Variants in ZNF69 observed in about 807,000 individuals in gnomAD.
ZNF69 encodes ZNF3.
In ZNF69, 47 loss-of-function variants were observed where a neutral mutation model predicts 50.9. The ratio of observed to expected loss-of-function variants is 0.92; its 90% CI spans 0.73 to 1.18. The LOEUF (loss-of-function observed/expected upper bound fraction) is 1.18. Among genes scored for constraint, ZNF69 ranks in the 50% most tolerant of loss-of-function variants. The probability of loss-of-function intolerance (pLI) is 0.00; values close to 1 mark genes in which losing one functional copy is unlikely to be tolerated. For synonymous variants in ZNF69, 216 were observed against 223.1 expected (o/e 0.97, Z 0.29); for missense variants, 717 against 675.1 (o/e 1.06, Z -0.69).
Position 11,903,893 on chromosome 19 carries a change from T to A in ZNF69, c.191-12T>A, listed in dbSNP as rs756534833. On this transcript the variant is annotated splice_polypyrimidine_tract_variant and intron_variant, in intron 2 of 3. Coordinates refer to ENST00000429654, the MANE Select transcript of ZNF69 (RefSeq NM_001364730.1). ...ACTGCCTCAGGACTATTTTTCTGTGTCTATATTTTAGGAAAAAGTTGGAAA... is the reference window on the plus strand; with the variant it reads ...ACTGCCTCAGGACTATTTTTCTGTGACTATATTTTAGGAAAAAGTTGGAAA... 1.2e-6 allele frequency: 2 copies of A among 1,613,158 alleles called. No homozygotes were observed. The highest frequency in any genetic ancestry group is 1.3e-5 in the African/African-American group (1 of 74,988).
the ZNF69 span, among the ~76,000 whole-genome samples, chr19:11,920,653 TG>T: frequency 6.4e-4 from 2 of 3,148 alleles, no homozygotes; most frequent in East Asian, 0.019. Context: ...TTTGGGAGGC[TG>T]AGGGGGGTGC....
intron 1 of ZNF69, among the ~76,000 whole-genome samples, chr19:11,894,135 T>G (rs976140670): frequency 6.6e-5 from 10 of 152,156 alleles, no homozygotes; most frequent in African/African-American, 2.4e-4. Context: ...GTGTGAAAAT[T>G]TGTATGCATC....
At chr19:11,932,077 C>T in the ZNF69 span, among the ~76,000 whole-genome samples, 1 of 146,826 alleles carries the variant, frequency 6.8e-6, no homozygotes, top group East Asian at 1.9e-4. Flanking sequence ...ATCCCAAGAT[C>T]GTGCCATTGC....
At chr19:11,966,161 C>G in the ZNF69 span, among the ~76,000 whole-genome samples, 268 of 152,256 alleles carry the variant, frequency 1.8e-3, 2 homozygotes, top group African/African-American at 5.8e-3. Flanking sequence ...TTGGTATCTT[C>G]TTGCCACAAG....
At chr19:11,891,113 A>G (rs930492506) in intron 1 of ZNF69, among the ~76,000 whole-genome samples, 1 of 152,168 alleles carries the variant, frequency 6.6e-6, no homozygotes, top group Non-Finnish European at 1.5e-5. Context: ...CACAAAGTGC[A>G]GTGAGAAGGG....
In ZNF69 at chr19:11,905,153, A is replaced by G. The variant is rs748047995; in HGVS notation, c.756A>G (p.Gln252=). Residue 252 remains glutamine, a synonymous_variant, in exon 4 of 4, where the codon CAA becomes CAG. Transcript: ENST00000429654. ...GAGAGAAACCATATGAATGTAAACAATGTGGTAAATCCTTTAGTTATTCTG... is the reference window on the plus strand; with the variant it reads ...GAGAGAAACCATATGAATGTAAACAGTGTGGTAAATCCTTTAGTTATTCTG... ...HTGEKPYECK[Q]CGKSFSYSAT... is the part of the protein sequence containing the mutation. 16 of 1,614,080 alleles carry G rather than the reference A, an allele frequency of 9.9e-6. No individual in the cohort carries two copies. The Admixed American group carries it at 1.0e-4, about 10-fold the overall frequency.
intron 4 of ZNF69, chr19:11,913,393 CTTT>C: frequency 9.9e-6 from 5 of 504,974 alleles, no homozygotes; most frequent in Admixed American, 3.8e-5. Flanking sequence ...TTTTTCTTAT[CTTT>C]TTTTTTTTCC....
In ZNF69 at chr19:11,905,228, A is replaced by G. The variant is rs769879508; in HGVS notation, c.831A>G (p.Glu277=). The part of the protein sequence containing the change: ...ERTHTGEKPY[E]CQQCGKAFHS... ...CTCACACTGGAGAAAAGCCTTATGAATGTCAGCAATGTGGGAAAGCATTTC... is the reference window on the plus strand; with the variant it reads ...CTCACACTGGAGAAAAGCCTTATGAGTGTCAGCAATGTGGGAAAGCATTTC... Residue 277 remains glutamate, a synonymous_variant, in exon 4 of 4, where the codon GAA becomes GAG. Transcript: ENST00000429654. The G allele has an allele frequency of 4.3e-6, 7 of 1,614,054 alleles. No homozygotes were observed. Among genetic ancestry groups the G allele is most frequent in the Non-Finnish European group, 5.9e-6 (7 of 1,180,044 alleles).
chr19:11,968,439 G>C, the ZNF69 span, among the ~76,000 whole-genome samples: 5 of 151,928 alleles, frequency 3.3e-5, no homozygotes, highest in Non-Finnish European at 7.4e-5. Context: ...GTGGGGTCTC[G>C]ATATGTTGCT....
the ZNF69 span, among the ~76,000 whole-genome samples, chr19:11,968,683 G>A: frequency 2.0e-5 from 3 of 152,064 alleles, no homozygotes; most frequent in Admixed American, 6.6e-5. Flanking sequence ...TGGAGTCTTT[G>A]TGTGAGAAAG....
rs545741614 is a variant in ZNF69, at chr19:11,901,448, G to A, written c.64-2125G>A. Among the ~76,000 whole-genome samples, 16 of 152,262 alleles carry A rather than the reference G, an allele frequency of 1.1e-4. No individual in the cohort carries two copies. In the East Asian group the frequency reaches 3.1e-3, roughly 29 times the overall value. The stretch of plus-strand genomic sequence containing the variant: ...GAACACTAGGCATAAATTGGTTAAG[G>A]CTTGTCAGATGCCTTTTCTGCCTCT... On this transcript the variant is annotated intron_variant, in intron 1 of 3. Transcript: ENST00000429654.
chr19:11,892,040 C>A (rs914860400), intron 1 of ZNF69, among the ~76,000 whole-genome samples: 6 of 151,744 alleles, frequency 4.0e-5, no homozygotes, highest in African/African-American at 1.5e-4. Context: ...AGCAGTGGTG[C>A]GATCATGGCT....
the ZNF69 span, chr19:11,978,897 A>T: frequency 1.9e-6 from 3 of 1,614,202 alleles, no homozygotes; most frequent in East Asian, 6.7e-5. Context: ...CCGTAGTTAC[A>T]GATCCTATCT....
the ZNF69 span, chr19:11,926,842 A>G: frequency 1.3e-5 from 2 of 153,004 alleles, no homozygotes; most frequent in Non-Finnish European, 2.9e-5. Flanking sequence ...TCAAGATTTC[A>G]GTTGGAAGAG....
the ZNF69 span, among the ~76,000 whole-genome samples, chr19:11,959,783 G>A: frequency 7.2e-5 from 11 of 152,314 alleles, no homozygotes; most frequent in African/African-American, 2.4e-4. Context: ...AATGTCGATA[G>A]AGTATGAATG....
the ZNF69 span, among the ~76,000 whole-genome samples, chr19:11,935,493 A>T: frequency 6.6e-6 from 1 of 151,904 alleles, no homozygotes; most frequent in African/African-American, 2.4e-5. Context: ...CAGCCTCCCA[A>T]AGTGCCGGGA....
At chr19:11,949,499 A>G in the ZNF69 span, 100 of 1,612,440 alleles carry the variant, frequency 6.2e-5, no homozygotes, top group African/African-American at 2.1e-4. Context: ...CTTCAAATTC[A>G]TGAAAGGACA....
downstream of ZNF69, among the ~76,000 whole-genome samples, chr19:11,908,491 T>C (rs1472246078): frequency 2.0e-5 from 3 of 152,110 alleles, no homozygotes; most frequent in Admixed American, 1.3e-4. Flanking sequence ...CACAGAGCAA[T>C]CAAACTAGAA....
the ZNF69 span, chr19:11,947,390 A>G: frequency 6.2e-7 from 1 of 1,606,788 alleles, no homozygotes; most frequent in Non-Finnish European, 8.5e-7. Context: ...GATTTTGAAC[A>G]TAGACAGGAA....
Sources: allele counts gnomAD v4.1 joint callset (sites outside exome capture counted in the v4.1 genomes callset), GRCh38; gene constraint gnomAD v4.1.1; transcripts MANE v1.5; gene names NCBI Gene and HGNC (gene_info 2026-07-23, HGNC 2026-07-21).